The following KLHL8 variants were observed in gnomAD, a reference collection of about 807,000 sequenced individuals.
KLHL8 encodes kelch-like protein 8.
Under a neutral mutation model 63.5 loss-of-function variants are expected in KLHL8, and 38 were observed. That is an observed-to-expected ratio of 0.60 (90% CI 0.46 to 0.78). The LOEUF (loss-of-function observed/expected upper bound fraction) is 0.78, where lower values mean the gene tolerates loss of function less well. Ranked by LOEUF, KLHL8 falls within the 30% of genes least tolerant of loss-of-function variation. The pLI, the probability that KLHL8 is intolerant of heterozygous loss-of-function variation, is 0.00. For synonymous variants in KLHL8, 224 were observed against 254.3 expected (o/e 0.88, Z 1.13); for missense variants, 566 against 752.4 (o/e 0.75, Z 2.90).
chr4:87,166,823 T>TC (rs1371031053), intron 8 of KLHL8: 1 of 156,016 alleles, frequency 6.4e-6, no homozygotes, highest in Non-Finnish European at 1.4e-5. Context: ...AGCCTTGCAG[T>TC]CCCCAAGTGG....
At chr4:87,164,946 A>G (rs1057109780) in intron 8 of KLHL8, among the ~76,000 whole-genome samples, 9 of 152,164 alleles carry the variant, frequency 5.9e-5, no homozygotes, top group Admixed American at 2.6e-4. Context: ...CAGGAGATCG[A>G]GACCATCCTG....
intron 1 of KLHL8, among the ~76,000 whole-genome samples, chr4:87,214,535 T>C (rs1171640573): frequency 6.0e-5 from 9 of 149,622 alleles, no homozygotes; most frequent in South Asian, 4.2e-4. Context: ...AAAATTCCTA[T>C]TTTTTTGCAG....
At chr4:87,217,000 A>G (rs544176769) in intron 1 of KLHL8, among the ~76,000 whole-genome samples, 4 of 152,310 alleles carry the variant, frequency 2.6e-5, no homozygotes, top group South Asian at 2.1e-4. Flanking sequence ...CACACAGCCA[A>G]TAAGTGGAGA....
intron 1 of KLHL8, among the ~76,000 whole-genome samples, chr4:87,203,209 G>A (rs1319602279): frequency 6.6e-6 from 1 of 152,282 alleles, no homozygotes; most frequent in Middle Eastern, 3.4e-3. Flanking sequence ...CCAAGGAACA[G>A]CTAGAACTAG....
chr4:87,202,554 T>A (rs927658149), intron 1 of KLHL8, among the ~76,000 whole-genome samples: 2 of 152,210 alleles, frequency 1.3e-5, no homozygotes, highest in Admixed American at 6.5e-5. Context: ...GTGAATGCTA[T>A]GAAAAATTCT....
At chr4:87,226,393 TC>T (rs371233780) in intron 1 of KLHL8, among the ~76,000 whole-genome samples, 82 of 151,234 alleles carry the variant, frequency 5.4e-4, no homozygotes, top group African/African-American at 1.8e-3. Flanking sequence ...TGAAACCCTG[TC>T]TCTACTAAAA....
chr4:87,207,347 G>A, intron 1 of KLHL8: 1 of 636,656 alleles, frequency 1.6e-6, no homozygotes, highest in Non-Finnish European at 2.9e-6. Context: ...ATCAAATGGG[G>A]CAATGCTGAC....
chr4:87,167,506 A>G, intron 8 of KLHL8: 1 of 538,344 alleles, frequency 1.9e-6, no homozygotes, highest in Non-Finnish European at 3.7e-6. Context: ...CAATTTACCA[A>G]TGCGGTTGTG....
At chr4:87,189,668 T>C (rs1013323423) in intron 2 of KLHL8, among the ~76,000 whole-genome samples, 8 of 152,048 alleles carry the variant, frequency 5.3e-5, no homozygotes, top group African/African-American at 1.9e-4. Context: ...ATCTGTGCTT[T>C]TGTTGCTATT....
chr4:87,204,774 T>C (rs987222791), intron 1 of KLHL8, among the ~76,000 whole-genome samples: 1 of 152,186 alleles, frequency 6.6e-6, no homozygotes, highest in East Asian at 1.9e-4. Context: ...ATCATAGTGA[T>C]GAAAAACAGA....
intron 1 of KLHL8, among the ~76,000 whole-genome samples, chr4:87,231,658 G>A (rs993868582): frequency 6.6e-5 from 10 of 151,862 alleles, no homozygotes; most frequent in African/African-American, 1.4e-4. Context: ...GTGCAGTGAC[G>A]CAATCTCAGC....
At chr4:87,168,910 T>C (rs1348628222) in intron 8 of KLHL8, among the ~76,000 whole-genome samples, 1 of 148,180 alleles carries the variant, frequency 6.7e-6, no homozygotes, top group Non-Finnish European at 1.5e-5. Context: ...TGCTGTTAGG[T>C]GGGTTAAAGC....
chr4:87,187,448 T>C (rs1019953035), intron 2 of KLHL8, among the ~76,000 whole-genome samples: 3 of 151,924 alleles, frequency 2.0e-5, no homozygotes, highest in African/African-American at 7.2e-5. Context: ...TTTTGAGCTA[T>C]TTGTATTTCT....
intron 8 of KLHL8, chr4:87,167,715 C>A: frequency 2.7e-6 from 1 of 371,866 alleles, no homozygotes; most frequent in Admixed American, 3.2e-5. Context: ...AAGAAGCCCA[C>A]TGACTGGAAG....
In KLHL8 at chr4:87,217,510, CGTTT is replaced by C. The variant is rs996196533; in HGVS notation, c.-152+2904_-152+2907del. Among the ~76,000 whole-genome samples the C allele has an allele frequency of 7.3e-5, 11 of 151,722 alleles. No individual in the cohort carries two copies. In the East Asian group the frequency reaches 7.7e-4, roughly 11 times the overall value. On this transcript the variant is annotated intron_variant, in intron 1 of 9. Coordinates refer to ENST00000273963, the MANE Select transcript of KLHL8 (RefSeq NM_020803.5). ...CCACCACATCTGGGTAATTTTTGTTCGTTTGTTTGTTTTTTTGTAGACACAGGGT... is the reference window on the plus strand; with the variant it reads ...CCACCACATCTGGGTAATTTTTGTTCGTTTGTTTTTTTGTAGACACAGGGT...
chr4:87,214,415 G>GAGATATATAT (rs1732512148), intron 1 of KLHL8, among the ~76,000 whole-genome samples: 2 of 93,106 alleles, frequency 2.1e-5, no homozygotes, highest in East Asian at 4.6e-4. Flanking sequence ...GCACATAACA[G>GAGATATATAT]ATATATATAT....
intron 4 of KLHL8, among the ~76,000 whole-genome samples, chr4:87,181,209 T>TTC (rs1347941726): frequency 6.6e-6 from 1 of 151,782 alleles, no homozygotes; most frequent in African/African-American, 2.4e-5. Context: ...GGTGGATTAC[T>TTC]TGAGGTCAGG....
intron 8 of KLHL8, among the ~76,000 whole-genome samples, chr4:87,165,575 A>T (rs1275823919): frequency 1.3e-5 from 2 of 149,938 alleles, no homozygotes; most frequent in Admixed American, 6.6e-5. Flanking sequence ...TTTTTTTTTT[A>T]AATAGAGATG....
rs749719663 is a variant in KLHL8 at position 87,163,496 on chromosome 4, A to C, written c.*23T>G. The C allele has an allele frequency of 1.2e-6, 2 of 1,613,062 alleles. No individual in the cohort carries two copies. The highest frequency in any genetic ancestry group is 2.7e-5 in the African/African-American group (2 of 74,892). On this transcript the variant is annotated 3_prime_UTR_variant, in exon 10 of 10. Coordinates refer to ENST00000273963, the MANE Select transcript of KLHL8 (RefSeq NM_020803.5). The stretch of plus-strand genomic sequence containing the variant: ...TTTTGTACCTATCAGATATGACTAA[A>C]TTGTTGGTGGCCAGAACTCAAATCA...
Sources: allele counts gnomAD v4.1 joint callset (sites outside exome capture counted in the v4.1 genomes callset), GRCh38; gene constraint gnomAD v4.1.1; transcripts MANE v1.5; gene names NCBI Gene and HGNC (gene_info 2026-07-23, HGNC 2026-07-21).